The following DAB1 variants were observed in gnomAD, a reference collection of about 807,000 sequenced individuals.
DAB1 encodes disabled homolog 1.
DAB1 carries 15 observed loss-of-function variants against 64.6 expected under a neutral mutation model. The observed-to-expected ratio is 0.23, with a 90% confidence interval of 0.16 to 0.36. The LOEUF is 0.36. DAB1 is among the 10% of genes least tolerant of loss of function. The pLI, the probability that DAB1 is intolerant of heterozygous loss-of-function variation, is 1.00. For synonymous variants in DAB1, 235 were observed against 251.9 expected, an observed-to-expected ratio of 0.93 and a Z score of 0.64; for missense variants, 596 against 706.7, an observed-to-expected ratio of 0.84 and a Z score of 1.78.
intron 7 of DAB1, among the ~76,000 whole-genome samples, chr1:57,453,812 A>T (rs920131433): frequency 2.6e-5 from 4 of 152,198 alleles, no homozygotes; most frequent in Non-Finnish European, 5.9e-5. Context: ...TTTATCTCAT[A>T]AAAAAGTTAT....
At chr1:57,849,812 C>A (rs769938183) in intron 1 of DAB1, among the ~76,000 whole-genome samples, 5 of 152,084 alleles carry the variant, frequency 3.3e-5, no homozygotes, top group Non-Finnish European at 7.4e-5. Context: ...ATTTCTTTTC[C>A]CTTTGTATAG....
chr1:57,979,542 A>G (rs111451296), intron 5 of DAB1, among the ~76,000 whole-genome samples: 11,872 of 152,254 alleles, frequency 0.078, 532 homozygotes, highest in Non-Finnish European at 0.089. Context: ...GTGCACATGT[A>G]CCCCAGAACT....
chr1:58,529,217 A>G (rs1646396084), intron 1 of DAB1, among the ~76,000 whole-genome samples: 1 of 152,188 alleles, frequency 6.6e-6, no homozygotes, highest in South Asian at 2.1e-4. Context: ...TCTCAAAAAC[A>G]ATTTGTCTCA....
intron 5 of DAB1, among the ~76,000 whole-genome samples, chr1:58,116,369 T>C (rs1359395764): frequency 1.3e-5 from 2 of 152,222 alleles, no homozygotes; most frequent in African/African-American, 2.4e-5. Flanking sequence ...TTTAAGCCAC[T>C]ATAAATTGGG....
At chr1:58,076,283 T>G (rs1463606881) in intron 5 of DAB1, among the ~76,000 whole-genome samples, 1 of 152,062 alleles carries the variant, frequency 6.6e-6, no homozygotes, top group Non-Finnish European at 1.5e-5. Flanking sequence ...CATGTAGAGA[T>G]TAATTAATTT....
At chr1:58,183,807 C>T (rs1367871399) in intron 4 of DAB1, among the ~76,000 whole-genome samples, 1 of 151,972 alleles carries the variant, frequency 6.6e-6, no homozygotes, top group African/African-American at 2.4e-5. Context: ...ATTTGTCTCC[C>T]CCAGATTGTA....
intron 7 of DAB1, among the ~76,000 whole-genome samples, chr1:57,586,743 C>G (rs557767659): frequency 4.0e-5 from 6 of 151,154 alleles, no homozygotes; most frequent in African/African-American, 1.5e-4. Flanking sequence ...TGACCTGTTC[C>G]TGTTCCTCTC....
chr1:57,997,085 G>T (rs1242951753), intron 5 of DAB1, among the ~76,000 whole-genome samples: 2 of 152,048 alleles, frequency 1.3e-5, no homozygotes, highest in Non-Finnish European at 2.9e-5. Flanking sequence ...CCATCTCCCA[G>T]TACATAAAAA....
chr1:57,843,188 G>A (rs565242090), intron 1 of DAB1, among the ~76,000 whole-genome samples: 1 of 152,330 alleles, frequency 6.6e-6, no homozygotes, highest in East Asian at 1.9e-4. Context: ...GTAAGTCAGG[G>A]ACCATTCACA....
chr1:57,338,299 TCTCTCTTTACCTTC>T (rs1677270418), intron 1 of DAB1, among the ~76,000 whole-genome samples: 1 of 152,076 alleles, frequency 6.6e-6, no homozygotes, highest in African/African-American at 2.4e-5. Flanking sequence ...GCTTTCTTAT[TCTCTCTTTACCTTC>T]CTTCTCCATT....
intron 4 of DAB1, among the ~76,000 whole-genome samples, chr1:58,300,544 A>AAAAAGAAAGAAAGAAAGAAAGAAAG (rs1359971427): frequency 9.9e-6 from 1 of 101,084 alleles, no homozygotes; most frequent in Non-Finnish European, 1.9e-5. Flanking sequence ...TGAAACTCTG[A>AAAAAGAAAGAAAGAAAGAAAGAAAG]AAAGAAAGAA....
intron 3 of DAB1, among the ~76,000 whole-genome samples, chr1:58,348,238 G>A (rs1394360828): frequency 6.6e-6 from 1 of 152,056 alleles, no homozygotes. Context: ...ACCTTTGAAT[G>A]AGCAGAGTCT....
chr1:58,355,800 T>C (rs1644105444), intron 3 of DAB1, among the ~76,000 whole-genome samples: 1 of 152,186 alleles, frequency 6.6e-6, no homozygotes, highest in Non-Finnish European at 1.5e-5. Flanking sequence ...ACCTCCTGTG[T>C]TATAAGAAAG....
At chr1:58,289,441 A>G (rs1275814421) in intron 4 of DAB1, among the ~76,000 whole-genome samples, 1 of 152,168 alleles carries the variant, frequency 6.6e-6, no homozygotes, top group African/African-American at 2.4e-5. Context: ...TTTTCCCCTC[A>G]TTAAACTAAG....
chr1:57,285,905 T>C (rs1672279409), intron 2 of DAB1, among the ~76,000 whole-genome samples: 1 of 152,188 alleles, frequency 6.6e-6, no homozygotes, highest in Admixed American at 6.5e-5. Flanking sequence ...ACAAGAGTAG[T>C]GTCAACTGAT....
intron 3 of DAB1, among the ~76,000 whole-genome samples, chr1:58,351,473 T>G (rs1644056933): frequency 6.6e-6 from 1 of 151,760 alleles, no homozygotes; most frequent in Non-Finnish European, 1.5e-5. Context: ...TAATGATCAG[T>G]GGGAGTGAAG....
At chr1:57,336,348 G>A (rs546980859) in intron 1 of DAB1, among the ~76,000 whole-genome samples, 124 of 152,222 alleles carry the variant, frequency 8.1e-4, no homozygotes, top group African/African-American at 2.8e-3. Flanking sequence ...CCAAATAAAA[G>A]GATTTGGTTT....
intron 6 of DAB1, among the ~76,000 whole-genome samples, chr1:57,710,541 G>A (rs1034080596): frequency 3.3e-5 from 5 of 152,004 alleles, no homozygotes; most frequent in East Asian, 1.9e-4. Context: ...AGTATTAGTC[G>A]GTTTTCCCAA....
Position 57,316,610 on chromosome 1 carries a change from G to A in DAB1, c.-136-25444C>T, listed in dbSNP as rs568425185. 2.5e-4 allele frequency among the ~76,000 whole-genome samples: 38 copies of A among 152,068 alleles called. 1 individual carries two copies. Among genetic ancestry groups the A allele is most frequent in the Admixed American group, 1.5e-3 (23 of 15,280 alleles). ...TCAGGTGGCCTACCAGCCTCTGCTC[G>A]GATGTCTCAAAAAGAAAAAAAAGAA... On this transcript the variant is annotated intron_variant, in intron 1 of 14. Coordinates refer to ENST00000371236, the MANE Select transcript of DAB1 (RefSeq NM_001365792.1).
Sources: gnomAD v4.1 joint callset for allele counts (sites outside exome capture counted in the v4.1 genomes callset) on GRCh38, gnomAD v4.1.1 for gene constraint, MANE v1.5 for transcripts, NCBI Gene and HGNC (gene_info 2026-07-23, HGNC 2026-07-21) for gene names.